The following EIF5A variants were observed in gnomAD, a reference collection of about 807,000 sequenced individuals.
EIF5A encodes the protein eukaryotic translation initiation factor 5A.
In EIF5A, 1 loss-of-function variant was observed where a neutral mutation model predicts 16.6. The ratio of observed to expected loss-of-function variants is 0.06; its 90% confidence interval spans 0.02 to 0.28. The LOEUF is 0.28. Ranked by LOEUF, EIF5A falls within the 10% of genes least tolerant of loss-of-function variation. The pLI is 1.00. For missense variants in EIF5A, 29 were observed against 196.1 expected, an observed-to-expected ratio of 0.15 and a Z score of 5.09; for synonymous variants, 80 against 73.6, an observed-to-expected ratio of 1.09 and a Z score of -0.44.
Position 7,307,694 on chromosome 17 carries a change from G to T in EIF5A, c.-80G>T. The T allele has an allele frequency of 9.5e-7, 1 of 1,050,800 alleles. No individual in the cohort carries two copies. The highest frequency in any genetic ancestry group is 1.1e-6 in the Non-Finnish European group (1 of 872,814). The allele number at this position is 1,050,800 out of a possible 1,614,324, so 65.1% of individuals were successfully genotyped here. ...CGGCGGCGGCGGCGGCAGCGGGCTC[G>T]GAGGCAGCGGTTGGGCTCGCGGCGA... On this transcript the variant is annotated 5_prime_UTR_variant, in exon 1 of 6. Coordinates refer to ENST00000336458, the MANE Select transcript of EIF5A (RefSeq NM_001970.5).
In EIF5A at chr17:7,309,660, A is replaced by G; in HGVS notation, c.25A>G (p.Thr9Ala). Residue 9 changes from threonine (T) to alanine (A), a missense_variant, in exon 2 of 6, where the codon ACA becomes GCA. By Grantham distance (58) the Thr-to-Ala change is moderately conservative. Coordinates refer to ENST00000336458, the MANE Select transcript of EIF5A (RefSeq NM_001970.5). ...AATGGCAGATGACTTGGACTTCGAG[A>G]CAGGAGATGCAGGGGCCTCAGCCAC... MADDLDFE[T>A]GDAGASATFP... 6.2e-7 allele frequency: 1 copy of G among 1,614,188 alleles called. No homozygotes were observed. Among genetic ancestry groups the G allele is most frequent in the Non-Finnish European group, 8.5e-7 (1 of 1,180,034 alleles).
chr17:7,311,729 A>C, intron 5 of EIF5A, 78 bp downstream of exon 5: 1 of 1,575,488 alleles, frequency 6.3e-7, no homozygotes, highest in Non-Finnish European at 8.7e-7. Flanking sequence ...TAATTGTTTC[A>C]GGCTTACTTT....
At chr17:7,308,315 G>A in intron 1 of EIF5A, 2 of 1,150,102 alleles carry the variant, frequency 1.7e-6, no homozygotes, top group Non-Finnish European at 2.2e-6. Flanking sequence ...ATGGCAGCGC[G>A]GGGACCCCTC....
chr17:7,308,563 C>T (rs745374578), intron 1 of EIF5A: 4 of 1,350,996 alleles, frequency 3.0e-6, no homozygotes, highest in South Asian at 2.3e-5. Context: ...TGAAGTGTGG[C>T]GGTCAGCCAG....
At chr17:7,309,983 TCTTCTGTGGTTACC>T in intron 2 of EIF5A, 183 bp downstream of exon 2, 1 of 1,534,154 alleles carries the variant, frequency 6.5e-7, no homozygotes, top group Non-Finnish European at 8.7e-7. Context: ...GTCTTCAGCC[TCTTCTGTGGTTACC>T]CTTCTGTCCC....
In EIF5A at chr17:7,311,335, C is replaced by G. The variant is rs776078900; in HGVS notation, c.271-15C>G. 3.7e-6 allele frequency: 6 copies of G among 1,613,984 alleles called. No individual in the cohort carries two copies. The Middle Eastern group carries it at 8.3e-4, about 222-fold the overall frequency. On this transcript the variant is annotated splice_polypyrimidine_tract_variant and intron_variant, in intron 3 of 5. Coordinates refer to ENST00000336458, the MANE Select transcript of EIF5A (RefSeq NM_001970.5). ...GGGCCTACTACCTTCAGCCTCCTTC[C>G]CTATCTGCCCCCAGCTGATTGGCAT...
At chr17:7,310,532 T>C (rs1450303648) in intron 2 of EIF5A, 6 of 1,126,208 alleles carry the variant, frequency 5.3e-6, no homozygotes, top group African/African-American at 5.0e-5. Context: ...TGGATCCCTC[T>C]CTGTGCTCTT....
At chr17:7,310,503 T>C in intron 2 of EIF5A, 1 of 1,169,904 alleles carries the variant, frequency 8.5e-7, no homozygotes, top group Non-Finnish European at 1.1e-6. Context: ...ACATTGATCT[T>C]GGATTATTCT....
intron 4 of EIF5A, 46 bp from the exon 5 acceptor site, chr17:7,311,532 C>T: frequency 6.2e-7 from 1 of 1,614,146 alleles, no homozygotes; most frequent in Non-Finnish European, 8.5e-7. Flanking sequence ...CTGTACGTTT[C>T]TTCCTGAGCT....
rs1243124333 is a variant in EIF5A, at chr17:7,312,073, G to C, written c.*263G>C. 5.0e-6 allele frequency: 1 copy of C among 201,032 alleles called. No homozygotes were observed. Among genetic ancestry groups the C allele is most frequent in the Non-Finnish European group, 1.1e-5 (1 of 91,230 alleles). The allele number at this position is 201,032 out of a possible 1,614,324, so 12.5% of individuals were successfully genotyped here. On this transcript the variant is annotated 3_prime_UTR_variant, in exon 6 of 6. Transcript: ENST00000336458. ...TCTCCCCTCACACTACAGCCCTGGTGGGGGAGAAGGGGGTGGGTGCTGCTT... is the reference window on the plus strand; with the variant it reads ...TCTCCCCTCACACTACAGCCCTGGTCGGGGAGAAGGGGGTGGGTGCTGCTT...
chr17:7,307,742 G>A lies in EIF5A; in HGVS notation c.-32G>A, dbSNP rs2072667985. On this transcript the variant is annotated 5_prime_UTR_variant, in exon 1 of 6. Coordinates refer to ENST00000336458, the MANE Select transcript of EIF5A (RefSeq NM_001970.5). ...CGAGCGGACGGGGTCGAGTCAGTGC[G>A]TTCGCGCGAGGTGAGAGCGGGCAGG... 9.9e-7 allele frequency: 1 copy of A among 1,013,788 alleles called. No individual in the cohort carries two copies. The highest frequency in any genetic ancestry group is 1.2e-6 in the Non-Finnish European group (1 of 848,008). The allele number at this position is 1,013,788 out of a possible 1,614,324, so 62.8% of individuals were successfully genotyped here.
chr17:7,307,225 T>C (rs758405045), upstream of EIF5A: 32 of 1,306,432 alleles, frequency 2.4e-5, no homozygotes, highest in Non-Finnish European at 3.2e-5. Flanking sequence ...CCTGGCGTAC[T>C]GACGGCGTCT....
chr17:7,308,043 G>C, intron 1 of EIF5A: 27 of 985,848 alleles, frequency 2.7e-5, no homozygotes, highest in Non-Finnish European at 3.3e-5. Context: ...GCGAGGGCCA[G>C]GGGCCAGATC....
chr17:7,309,522 G>A, intron 1 of EIF5A, 93 bp from the exon 2 acceptor site: 1 of 1,525,744 alleles, frequency 6.6e-7, no homozygotes, highest in South Asian at 1.2e-5. Flanking sequence ...ATGGAATAAA[G>A]AGTTGGGAAA....
Position 7,307,938 on chromosome 17 carries a change from T to G in EIF5A, c.-22+186T>G, listed in dbSNP as rs1360949446. On this transcript the variant is annotated intron_variant, in intron 1 of 5. Coordinates refer to ENST00000336458, the MANE Select transcript of EIF5A (RefSeq NM_001970.5). ...CCCGGTTGGCGCGCGGGGTGACGGTTGGGGTTGGCCCGGTGACGTTGGAGC... is the reference window on the plus strand; with the variant it reads ...CCCGGTTGGCGCGCGGGGTGACGGTGGGGGTTGGCCCGGTGACGTTGGAGC... The G allele has an allele frequency of 1.0e-5, 10 of 979,968 alleles. No individual in the cohort carries two copies. In the Admixed American group the frequency reaches 6.3e-4, roughly 62 times the overall value. 60.7% of individuals were successfully genotyped at this position (979,968 alleles called of 1,614,324 possible).
intron 1 of EIF5A, chr17:7,308,384 G>C: frequency 2.5e-6 from 3 of 1,211,118 alleles, no homozygotes; most frequent in Non-Finnish European, 3.2e-6. Context: ...GGAGCCGGCA[G>C]CCCCTAGCGC....
chr17:7,311,700 A>G, intron 5 of EIF5A, 49 bp downstream of exon 5: 1 of 1,609,930 alleles, frequency 6.2e-7, no homozygotes, highest in Non-Finnish European at 8.5e-7. Flanking sequence ...TGTTGTCCTC[A>G]GCAGAGCTGC....
chr17:7,307,784 C>T (rs2072669326), intron 1 of EIF5A, 32 bp downstream of exon 1: 3 of 994,280 alleles, frequency 3.0e-6, no homozygotes, highest in East Asian at 1.1e-4. Context: ...GTGCGCGGTA[C>T]CTTGGCTTGG....
intron 2 of EIF5A, chr17:7,310,142 CGTT>C (rs771513201): frequency 6.0e-5 from 78 of 1,307,114 alleles, no homozygotes; most frequent in Admixed American, 5.0e-4. Context: ...TCCCTTGAGC[CGTT>C]GTTAAGTGGT....
Sources: allele counts gnomAD v4.1 joint callset, GRCh38; gene constraint gnomAD v4.1.1; transcripts MANE v1.5; gene names NCBI Gene and HGNC (gene_info 2026-07-23, HGNC 2026-07-21).